GTPBP6: variants seen among roughly 807,000 people sequenced by gnomAD.
GTPBP6 encodes putative GTP-binding protein 6.
In GTPBP6, 33 loss-of-function variants were observed where a neutral mutation model predicts 28.9. The ratio of observed to expected loss-of-function variants is 1.14; its 90% CI spans 0.87 to 1.53. The LOEUF (loss-of-function observed/expected upper bound fraction) is 1.53, where lower values mean the gene tolerates loss of function less well. Among genes scored for constraint, GTPBP6 ranks in the 40% most tolerant of loss-of-function variants. The pLI, the probability that GTPBP6 is intolerant of heterozygous loss-of-function variation, is 0.00. For synonymous variants in GTPBP6, 231 were observed against 192.7 expected, an observed-to-expected ratio of 1.20 and a Z score of -1.65; for missense variants, 507 against 408.3, an observed-to-expected ratio of 1.24 and a Z score of -2.08.
chrX:307,405 C>G (rs776437259), exon 9 of GTPBP6: 1 of 1,612,608 alleles, frequency 6.2e-7, no homozygotes, highest in Admixed American at 1.7e-5. Context: ...GAGGATCTGT[C>G]TCCCCGTCGC....
chrX:318,012 G>T (rs1272124023), intron 1 of GTPBP6, among the ~76,000 whole-genome samples: 2 of 126,014 alleles, frequency 1.6e-5, no homozygotes, highest in Non-Finnish European at 3.4e-5. Flanking sequence ...CCACGCCCTG[G>T]CATCTCCAAC....
chrX:317,628 G>A (rs1322563871), intron 1 of GTPBP6, among the ~76,000 whole-genome samples: 9 of 151,092 alleles, frequency 6.0e-5, no homozygotes, highest in Admixed American at 1.3e-4. Flanking sequence ...CAAACACACC[G>A]TGCCTACCTC....
chrX:315,461 A>AG (rs2070412332), intron 2 of GTPBP6, among the ~76,000 whole-genome samples, 162 bp from the exon 3 acceptor site: 1 of 152,024 alleles, frequency 6.6e-6, no homozygotes, highest in African/African-American at 2.4e-5. Flanking sequence ...TCAGCGTGGG[A>AG]GGGGGTGTGT....
chrX:307,857 G>A lies in GTPBP6; in HGVS notation c.1149C>T (p.Asp383=), dbSNP rs758338560. ...GGAGCTCCGCCTCGGGGTGGCTGACGTCCCTCACGTGCAAGATGAGATCCT... is the reference window on the plus strand; with the variant it reads ...GGAGCTCCGCCTCGGGGTGGCTGACATCCCTCACGTGCAAGATGAGATCCT... Residue 383 remains aspartate, a synonymous_variant, in exon 8 of 10, where the codon GAC becomes GAT. Transcript: ENST00000326153. The A allele has an allele frequency of 3.5e-5, 54 of 1,537,968 alleles. 1 individual carries two copies. The South Asian group carries it at 6.1e-4, about 17-fold the overall frequency.
intron 6 of GTPBP6, 38 bp from the exon 7 acceptor site, chrX:311,665 C>G (rs2070303314): frequency 2.0e-6 from 3 of 1,516,410 alleles, no homozygotes; most frequent in Non-Finnish European, 1.8e-6. Flanking sequence ...GCAGAGATCC[C>G]TGCGTCCCAA....
At chrX:317,576 AG>A (rs1453865093) in intron 1 of GTPBP6, among the ~76,000 whole-genome samples, 1 of 137,572 alleles carries the variant, frequency 7.3e-6, no homozygotes, top group East Asian at 2.1e-4. Flanking sequence ...GGGTGGGACT[AG>A]ACACAGATTG....
At position 305,030 on chromosome X, in the gene GTPBP6, C is replaced by T. The variant is rs775029527; in HGVS notation, c.*44G>A. Reference sequence around the variant, plus strand: ...ACACAGCGGTAACGCCTCAGCTCCCCAGGCAGCGATGCCCCCACCCCGCAG... The same window carrying T: ...ACACAGCGGTAACGCCTCAGCTCCCTAGGCAGCGATGCCCCCACCCCGCAG... On this transcript the variant is annotated 3_prime_UTR_variant, in exon 10 of 10. Coordinates refer to ENST00000326153, the Ensembl canonical transcript of GTPBP6. 7.5e-6 allele frequency: 12 copies of T among 1,604,788 alleles called. No individual in the cohort carries two copies. The Admixed American group carries it at 1.9e-4, about 25-fold the overall frequency.
At chrX:314,543 G>A (rs1602975509) in intron 4 of GTPBP6, among the ~76,000 whole-genome samples, 1 of 151,762 alleles carries the variant, frequency 6.6e-6, no homozygotes, top group Admixed American at 6.6e-5. Flanking sequence ...CGTGATCTCG[G>A]CTCACTGCAA....
At chrX:305,185 C>T in exon 10 of GTPBP6, 1 of 1,613,446 alleles carries the variant, frequency 6.2e-7, no homozygotes, top group Non-Finnish European at 8.5e-7. Flanking sequence ...CTGTGGCCTC[C>T]TTATACAGCC....
Position 315,686 on chromosome X carries a change from A to G in GTPBP6, c.488-387T>C, listed in dbSNP as rs1314164207. On this transcript the variant is annotated intron_variant, in intron 2 of 9. Transcript: ENST00000326153. ...CATCCCGGCAGGGACACAAACACAT[A>G]CACACACACACACACACACAGTAAA... Among the ~76,000 whole-genome samples, 91 of 11,900 alleles carry G rather than the reference A, an allele frequency of 7.6e-3. 2 individuals carry two copies. The highest frequency in any genetic ancestry group is 0.031 in the African/African-American group (87 of 2,812). The allele number at this position is 11,900 out of a possible 152,430, so 7.8% of individuals were successfully genotyped here.
intron 1 of GTPBP6, among the ~76,000 whole-genome samples, chrX:318,031 C>A (rs1237499695): frequency 2.1e-5 from 3 of 141,552 alleles, no homozygotes; most frequent in Non-Finnish European, 3.2e-5. Context: ...ACCATCAGAC[C>A]CTCTCCTTAG....
rs749620632 is a variant in GTPBP6, at chrX:311,405, C to CTGAGTGGGT, written c.1125+13_1125+14insACCCACTCA. On this transcript the variant is annotated intron_variant, in intron 7 of 9. Transcript: ENST00000326153. ...GGTGTCCGAGCACCCGATCCCCGGC[C>CTGAGTGGGT]GTCCCACGCTCACCGAGTGGGCCAC... is the stretch of plus-strand genomic sequence containing the variant. 6.3e-7 allele frequency: 1 copy of CTGAGTGGGT among 1,587,210 alleles called. No homozygotes were observed. Among genetic ancestry groups the CTGAGTGGGT allele is most frequent in the African/African-American group, 1.4e-5 (1 of 73,682 alleles).
intron 5 of GTPBP6, among the ~76,000 whole-genome samples, chrX:313,556 A>G (rs2070358598): frequency 6.6e-6 from 1 of 152,144 alleles, no homozygotes; most frequent in African/African-American, 2.4e-5. Context: ...AGAACTGGTC[A>G]ATGGGACCTT....
exon 6 of GTPBP6, chrX:312,903 T>C (rs370035836): frequency 2.0e-5 from 33 of 1,612,380 alleles, no homozygotes; most frequent in East Asian, 1.6e-4. Flanking sequence ...GAGACGCTGC[T>C]GCAGCTGCAT....
chrX:318,627 C>T (rs1253839642), exon 1 of GTPBP6: 1 of 397,842 alleles, frequency 2.5e-6, no homozygotes, highest in Non-Finnish European at 4.4e-6. Flanking sequence ...CAGGCCCCGC[C>T]CTCCGCCCCA....
rs1384409822 is a variant in GTPBP6 at position 317,976 on chromosome X, T to G, written c.349+463A>C. 5.5e-3 allele frequency among the ~76,000 whole-genome samples: 701 copies of G among 126,484 alleles called. 11 individuals carry two copies. Among genetic ancestry groups the G allele is most frequent in the African/African-American group, 0.02 (659 of 32,426 alleles). The allele number at this position is 126,484 out of a possible 152,430, so 83.0% of individuals were successfully genotyped here. ...CCCCGCATCACCATCCATAAGCTCT[T>G]CCCCTCAGAGCCCCGCCCCTCAGCG... On this transcript the variant is annotated intron_variant, in intron 1 of 9. Coordinates refer to ENST00000326153, the Ensembl canonical transcript of GTPBP6.
At chrX:316,176 AC>A (rs2070435513) in intron 2 of GTPBP6, among the ~76,000 whole-genome samples, 1 of 12,004 alleles carries the variant, frequency 8.3e-5, no homozygotes. Context: ...GGACAGACAC[AC>A]ACACAGACAC....
intron 1 of GTPBP6, among the ~76,000 whole-genome samples, chrX:317,392 C>T (rs2070457307): frequency 6.6e-6 from 1 of 152,000 alleles, no homozygotes; most frequent in Admixed American, 6.6e-5. Context: ...GAGGTCTGCG[C>T]GCTGTTCTGA....
At chrX:307,945 A>T in intron 7 of GTPBP6, 65 bp from the exon 8 acceptor site, 1 of 1,372,080 alleles carries the variant, frequency 7.3e-7, no homozygotes. Context: ...GCTTGCAGAC[A>T]GGCCCAGGAG....
Sources: gnomAD v4.1 joint callset for allele counts (sites outside exome capture counted in the v4.1 genomes callset) on GRCh38, gnomAD v4.1.1 for gene constraint, MANE v1.5 for transcripts, NCBI Gene and HGNC (gene_info 2026-07-23, HGNC 2026-07-21) for gene names.